The following CFAP65 variants were observed in gnomAD, a reference collection of about 807,000 sequenced individuals.
The protein encoded by CFAP65 is cilia and flagella associated protein 65, also known as cilia- and flagella-associated protein 65.
In CFAP65, 155 loss-of-function variants were observed where a neutral mutation model predicts 208.0. That is an observed-to-expected ratio of 0.75 (90% CI 0.65 to 0.85). The LOEUF is 0.85. Among genes scored for constraint, CFAP65 ranks in the 40% least tolerant of loss-of-function variants. CFAP65 has a pLI of 0.00. For synonymous variants in CFAP65, 970 were observed against 986.3 expected (o/e 0.98, Z 0.31); for missense variants, 2,294 against 2,451.3 (o/e 0.94, Z 1.36).
chr2:219,027,492 G>A (rs1028968449), intron 13 of CFAP65, 158 bp downstream of exon 13: 1 of 1,586,228 alleles, frequency 6.3e-7, no homozygotes, highest in Non-Finnish European at 8.6e-7. Context: ...GAGCTTTGGA[G>A]GAGACAAACT....
chr2:219,006,405 A>C, intron 30 of CFAP65, 60 bp downstream of exon 30: 1 of 1,598,090 alleles, frequency 6.3e-7, no homozygotes, highest in Non-Finnish European at 8.6e-7. Flanking sequence ...TCTCTCTGGG[A>C]GCAAGCAAGG....
chr2:219,031,310 G>A lies in CFAP65; in HGVS notation c.816-5C>T. The A allele has an allele frequency of 6.2e-7, 1 of 1,613,428 alleles. No homozygotes were observed. The highest frequency in any genetic ancestry group is 8.5e-7 in the Non-Finnish European group (1 of 1,179,500). On this transcript the variant is annotated splice_region_variant and splice_polypyrimidine_tract_variant and intron_variant, in intron 7 of 34. Transcript: ENST00000341552. The surrounding 1 kb of genome is among the most constrained non-coding windows in gnomAD (Gnocchi z 5.2). ...GTGAAGAAGGTGGGCAGGTCCCTGG[G>A]GGTGGGGGGCAGGTCAGGGCACTGG...
chr2:219,011,687 T>C (rs1371575527), intron 24 of CFAP65, among the ~76,000 whole-genome samples: 2 of 152,166 alleles, frequency 1.3e-5, no homozygotes, highest in African/African-American at 4.8e-5. Context: ...AAACCAGAGA[T>C]CTTCTGATCC....
At position 219,013,293 on chromosome 2, in the gene CFAP65, G is replaced by A. The variant is rs1168981243; in HGVS notation, c.3923C>T (p.Pro1308Leu). The change falls in exon 24 of 35, where the codon CCC (proline) becomes CTC (leucine). Residue 1308 changes from proline (P) to leucine (L), a missense_variant. By Grantham distance (98) the Pro-to-Leu change is moderately conservative. This residue lies in a region of CFAP65 where 1,427 missense variants were observed against 1,438.7 expected (regional missense o/e 0.99). Coordinates refer to ENST00000341552, the MANE Select transcript of CFAP65 (RefSeq NM_194302.4). The stretch of plus-strand genomic sequence containing the variant: ...GGGTAGCGTGTCACCAATGGGAATG[G>A]GGATGAACTGGTGGGTAGTAGAGGT... ...HFTSTTHQFI[P>L]IPIGDTLPPR... The A allele has an allele frequency of 6.2e-7, 1 of 1,613,952 alleles. No homozygotes were observed.
Position 219,035,504 on chromosome 2 carries a change from A to G in CFAP65, c.518T>C (p.Leu173Ser), listed in dbSNP as rs751582311. The G allele has an allele frequency of 1.2e-6, 2 of 1,613,854 alleles. No homozygotes were observed. The highest frequency in any genetic ancestry group is 1.7e-6 in the Non-Finnish European group (2 of 1,179,984). ...TRNLVLKNRS[L>S]KLQKMKYRPP... ...CCTGTACTTCATCTTCTGGAGTTTC[A>G]AGGATCGATTTTTCAGAACCAGATT... The change falls in exon 5 of 35, where the codon TTG becomes TCG. Residue 173 changes from leucine to serine, a missense_variant. Transcript: ENST00000341552.
chr2:219,038,771 C>T, intron 3 of CFAP65, 125 bp downstream of exon 3: 2 of 1,197,300 alleles, frequency 1.7e-6, no homozygotes, highest in East Asian at 2.4e-5. Flanking sequence ...CCCAGGGACT[C>T]ACCCTCAGGG....
At chr2:219,009,195 G>A (rs1447119753) in intron 28 of CFAP65, 41 bp from the exon 29 acceptor site, 12 of 1,574,786 alleles carry the variant, frequency 7.6e-6, no homozygotes, top group African/African-American at 1.3e-5. Flanking sequence ...AAGGTCTGGA[G>A]CTTGCCCGGG....
At position 219,035,428 on chromosome 2, in the gene CFAP65, C is replaced by A. The variant is rs894552212; in HGVS notation, c.542+52G>T. The A allele has an allele frequency of 3.7e-6, 6 of 1,613,938 alleles. No homozygotes were observed. The African/African-American group carries it at 5.3e-5, about 14-fold the overall frequency. ...TTTGTTTTGTTTTGAAGAGAGCCTG[C>A]TTTCGGGGCTCAAGGCTGTGGCACT... On this transcript the variant is annotated intron_variant, in intron 5 of 34. Coordinates refer to ENST00000341552, the MANE Select transcript of CFAP65 (RefSeq NM_194302.4).
Position 219,023,356 on chromosome 2 carries a change from T to A in CFAP65, c.2671A>T (p.Thr891Ser). ...DTHKSLYFKP[T>S]WVGCSSTSPF... ...CTGGTGGAGGAGCAGCCCACCCAGG[T>A]GGGCTTGAAGTAGAGGCTTTTGTGG... is the stretch of plus-strand genomic sequence containing the variant. The change falls in exon 16 of 35, where the codon ACC (threonine) becomes TCC (serine). Residue 891 changes from threonine to serine, a missense_variant. By Grantham distance (58) the Thr-to-Ser change is moderately conservative. Coordinates refer to ENST00000341552, the MANE Select transcript of CFAP65 (RefSeq NM_194302.4). 1 of 1,609,246 alleles carries A rather than the reference T, an allele frequency of 6.2e-7. No individual in the cohort carries two copies. The highest frequency in any genetic ancestry group is 8.5e-7 in the Non-Finnish European group (1 of 1,178,226).
At position 219,009,896 on chromosome 2, in the gene CFAP65, G is replaced by C. The variant is rs372467052; in HGVS notation, c.4452+46C>G. On this transcript the variant is annotated intron_variant, in intron 27 of 34. Coordinates refer to ENST00000341552, the MANE Select transcript of CFAP65 (RefSeq NM_194302.4). ...GGGATGGGGTCAGGTGGGGTTGGAT[G>C]GGTCTGGAGCTCTGATGGAGGTTCC... 5.7e-5 allele frequency: 89 copies of C among 1,554,080 alleles called. No homozygotes were observed. The African/African-American group carries it at 1.2e-3, about 20-fold the overall frequency.
intron 27 of CFAP65, 125 bp downstream of exon 27, chr2:219,009,817 G>T: frequency 1.5e-6 from 1 of 682,412 alleles, no homozygotes; most frequent in Non-Finnish European, 2.2e-6. Context: ...GGAGTGGGGG[G>T]GGATGGGATG....
chr2:219,013,453 C>T (rs1946623142), intron 23 of CFAP65, 66 bp downstream of exon 23: 1 of 1,552,380 alleles, frequency 6.4e-7, no homozygotes, highest in Non-Finnish European at 8.8e-7. Flanking sequence ...CAGCTCCCTG[C>T]TCCTGTCCAG....
At position 219,005,540 on chromosome 2, in the gene CFAP65, G is replaced by GGGCCTTCCTCTTTGGC; in HGVS notation, c.4929_4944dup (p.Pro1649AlafsTer14). On this transcript the variant is annotated frameshift_variant, in exon 32 of 35. Coordinates refer to ENST00000341552, the MANE Select transcript of CFAP65 (RefSeq NM_194302.4). LOFTEE classifies it high-confidence loss of function. The stretch of plus-strand genomic sequence containing the variant: ...TCAGAAGTCTCTGACTCTTCCCTGG[G>GGGCCTTCCTCTTTGGC]GGCCTTCCTCTTTGGCAGCTCCCTG... The GGGCCTTCCTCTTTGGC allele has an allele frequency of 6.2e-7, 1 of 1,612,234 alleles. No individual in the cohort carries two copies. The highest frequency in any genetic ancestry group is 8.5e-7 in the Non-Finnish European group (1 of 1,179,930).
rs1945750099 is a variant in CFAP65, at chr2:219,003,861, C to T, written c.5555+91G>A. On this transcript the variant is annotated intron_variant, in intron 33 of 34. Transcript: ENST00000341552. This position sits in a 1 kb window ranked among gnomAD's most constrained non-coding sequence, Gnocchi z 4.4. ...ACTGAATTAGGATGAGATGTGCATA[C>T]AGGCAGCAGCCATCCTTGGCATCCC... 47 of 1,465,244 alleles carry T rather than the reference C, an allele frequency of 3.2e-5. 1 individual carries two copies. In the East Asian group the frequency reaches 1.1e-3, roughly 33 times the overall value. 90.8% of individuals were successfully genotyped at this position (1,465,244 alleles called of 1,614,324 possible). A position where few individuals can be genotyped will look rare whatever the true frequency, so the allele number is the denominator to read the frequency against.
At chr2:219,009,690 G>A (rs189357214) in intron 27 of CFAP65, among the ~76,000 whole-genome samples, 2 of 80,376 alleles carry the variant, frequency 2.5e-5, no homozygotes. Flanking sequence ...GTGGGGTGGG[G>A]TGGGATGGGA....
Position 219,006,494 on chromosome 2 carries a change from T to G in CFAP65, c.4690A>C (p.Thr1564Pro). Residue 1564 changes from threonine to proline, a missense_variant, in exon 30 of 35, where the codon ACA becomes CCA. Thr to Pro is a conservative substitution (Grantham distance 38). Transcript: ENST00000341552. ...DMKVKKRTCCTACEPARKYKT... is the reference protein window; with the variant it reads ...DMKVKKRTCCPACEPARKYKT... The stretch of plus-strand genomic sequence containing the variant: ...TACTTCCTCGCAGGTTCACAGGCTG[T>G]GCAGCATGTTCTCTTCTGTGGAAAA... The G allele has an allele frequency of 6.2e-7, 1 of 1,613,636 alleles. No homozygotes were observed. The highest frequency in any genetic ancestry group is 1.3e-5 in the African/African-American group (1 of 75,036).
chr2:219,006,009 C>T lies in CFAP65; in HGVS notation c.4922+12G>A. 1 of 1,612,824 alleles carries T rather than the reference C, an allele frequency of 6.2e-7. No individual in the cohort carries two copies. The highest frequency in any genetic ancestry group is 8.5e-7 in the Non-Finnish European group (1 of 1,179,778). On this transcript the variant is annotated intron_variant, in intron 31 of 34. Coordinates refer to ENST00000341552, the MANE Select transcript of CFAP65 (RefSeq NM_194302.4). The stretch of plus-strand genomic sequence containing the variant: ...GAAGAGGAAGGTGACCCCTGCCTTC[C>T]CAAGAGCTTACCGGTGCAAAAAGTG...
intron 2 of CFAP65, 120 bp from the exon 3 acceptor site, chr2:219,039,170 G>T: frequency 1.1e-6 from 1 of 877,972 alleles, no homozygotes; most frequent in Non-Finnish European, 1.7e-6. Context: ...TATGCCAGAT[G>T]CTATGTATAT....
Position 219,009,619 on chromosome 2 carries a change from A to AATGGG in CFAP65, c.4453-164_4453-160dup, listed in dbSNP as rs58969836. ...GATGGGATGGGATGGGACAAGATGGAATGGGATGGGATGGGATGGGATGGG... is the reference window on the plus strand; with the variant it reads ...GATGGGATGGGATGGGACAAGATGGAATGGGATGGGATGGGATGGGATGGGATGGG... On this transcript the variant is annotated intron_variant, in intron 27 of 34. Coordinates refer to ENST00000341552, the MANE Select transcript of CFAP65 (RefSeq NM_194302.4). Among the ~76,000 whole-genome samples the AATGGG allele has an allele frequency of 3.7e-3, 375 of 101,220 alleles. 4 individuals carry two copies. Among genetic ancestry groups the AATGGG allele is most frequent in the African/African-American group, 0.013 (202 of 15,518 alleles). 66.4% of individuals were successfully genotyped at this position (101,220 alleles called of 152,430 possible). A position where few individuals can be genotyped will look rare whatever the true frequency, so the allele number is the denominator to read the frequency against.
Sources: allele counts gnomAD v4.1 joint callset (sites outside exome capture counted in the v4.1 genomes callset), GRCh38; gene constraint gnomAD v4.1.1; regional missense constraint gnomAD v4.1.1; non-coding constraint Gnocchi (gnomAD v3.1); transcripts MANE v1.5; gene names NCBI Gene and HGNC (gene_info 2026-07-23, HGNC 2026-07-21).